Variants in UNC80 observed in about 807,000 individuals in gnomAD.
UNC80 encodes the protein unc-80 subunit of NALCN channel complex, also known as protein unc-80 homolog.
In UNC80, 164 loss-of-function variants were observed where a neutral mutation model predicts 384.6. The ratio of observed to expected loss-of-function variants is 0.43; its 90% CI spans 0.38 to 0.49. The LOEUF is 0.49. UNC80 is among the 20% of genes least tolerant of loss of function. The pLI, the probability that UNC80 is intolerant of heterozygous loss-of-function variation, is 0.00. For missense variants in UNC80, 3,330 were observed against 4,143.0 expected (o/e 0.80, Z 5.39); for synonymous variants, 1,486 against 1,527.8 (o/e 0.97, Z 0.64).
At chr2:209,830,596 G>C (rs1046304253) in intron 15 of UNC80, among the ~76,000 whole-genome samples, 1 of 152,128 alleles carries the variant, frequency 6.6e-6, no homozygotes, top group Non-Finnish European at 1.5e-5. Flanking sequence ...GGATCACAGT[G>C]AATCAGCCAG....
intron 23 of UNC80, among the ~76,000 whole-genome samples, chr2:209,876,460 C>G (rs2084794011): frequency 6.6e-6 from 1 of 152,140 alleles, no homozygotes; most frequent in African/African-American, 2.4e-5. Flanking sequence ...ACATAGAGAT[C>G]TAAATTATTA....
intron 47 of UNC80, among the ~76,000 whole-genome samples, chr2:209,948,256 A>C (rs2092000624): frequency 6.6e-6 from 1 of 152,256 alleles, no homozygotes; most frequent in African/African-American, 2.4e-5. Flanking sequence ...ACTACCAAAA[A>C]GTTTTCCAAG....
rs1232251844 is a variant in UNC80, at chr2:209,842,462, C to T, written c.3454+16C>T. On this transcript the variant is annotated intron_variant, in intron 21 of 64. Transcript: ENST00000673920. The stretch of plus-strand genomic sequence containing the variant: ...AAGCGTCTTGGTAAATGTCATGCAT[C>T]CTAAGAATTCTATTCAACTTTTATC... 4 of 1,505,886 alleles carry T rather than the reference C, an allele frequency of 2.7e-6. No individual in the cohort carries two copies. Among genetic ancestry groups the T allele is most frequent in the Non-Finnish European group, 3.6e-6 (4 of 1,108,842 alleles). 93.3% of individuals were successfully genotyped at this position (1,505,886 alleles called of 1,614,324 possible). A position where few individuals can be genotyped will look rare whatever the true frequency, so the allele number is the denominator to read the frequency against.
intron 47 of UNC80, among the ~76,000 whole-genome samples, chr2:209,950,681 C>T (rs2092133021): frequency 6.6e-6 from 1 of 151,922 alleles, no homozygotes; most frequent in Non-Finnish European, 1.5e-5. Flanking sequence ...GCCTCAGCCT[C>T]CCGAGTAGCT....
intron 47 of UNC80, among the ~76,000 whole-genome samples, chr2:209,952,497 G>A (rs565770389): frequency 7.2e-5 from 11 of 152,216 alleles, no homozygotes; most frequent in South Asian, 2.1e-4. Flanking sequence ...ATATTTCCTC[G>A]CAATTATGAG....
intron 7 of UNC80, among the ~76,000 whole-genome samples, chr2:209,811,842 G>A (rs936647796): frequency 2.6e-5 from 4 of 152,240 alleles, no homozygotes; most frequent in African/African-American, 7.2e-5. Flanking sequence ...ATAAAGTATG[G>A]TATGTGCTTC....
Position 209,967,042 on chromosome 2 carries a change from T to G in UNC80, c.7806-395T>G, listed in dbSNP as rs567883587. On this transcript the variant is annotated intron_variant, in intron 51 of 64. Coordinates refer to ENST00000673920, the MANE Select transcript of UNC80 (RefSeq NM_001371986.1). ...TAGTAATTTTATTGTTCATTAAAGTTAGTTCTCTTTTATATGCATATATGT... is the reference window on the plus strand; with the variant it reads ...TAGTAATTTTATTGTTCATTAAAGTGAGTTCTCTTTTATATGCATATATGT... Among the ~76,000 whole-genome samples, 6 of 151,602 alleles carry G rather than the reference T, an allele frequency of 4.0e-5. No individual in the cohort carries two copies. In the East Asian group the frequency reaches 1.2e-3, roughly 29 times the overall value.
At chr2:209,876,637 G>C (rs1324641949) in intron 23 of UNC80, among the ~76,000 whole-genome samples, 1 of 152,108 alleles carries the variant, frequency 6.6e-6, no homozygotes, top group Non-Finnish European at 1.5e-5. Flanking sequence ...CTCCATTCCA[G>C]ACTCATAATT....
chr2:209,879,043 T>A (rs1386329145), intron 24 of UNC80, among the ~76,000 whole-genome samples: 1 of 152,180 alleles, frequency 6.6e-6, no homozygotes, highest in East Asian at 1.9e-4. Flanking sequence ...AAAGTTTTTT[T>A]TTTTTTGCAT....
intron 4 of UNC80, among the ~76,000 whole-genome samples, chr2:209,779,710 C>G (rs2077052169): frequency 6.6e-6 from 1 of 152,090 alleles, no homozygotes; most frequent in African/African-American, 2.4e-5. Context: ...GAAGCTGATC[C>G]AAGTGCTAAA....
intron 7 of UNC80, among the ~76,000 whole-genome samples, chr2:209,808,565 A>C (rs1254113296): frequency 4.7e-5 from 7 of 150,124 alleles, no homozygotes; most frequent in Non-Finnish European, 1.0e-4. Flanking sequence ...CCAGGCTGCT[A>C]CTGCGCGAGC....
At chr2:209,929,226 A>C (rs1457997753) in intron 36 of UNC80, among the ~76,000 whole-genome samples, 1 of 152,190 alleles carries the variant, frequency 6.6e-6, no homozygotes, top group Admixed American at 6.5e-5. Context: ...TTCAGTGCTT[A>C]CTGGCCCTGT....
At chr2:209,837,854 C>T (rs1054648398) in intron 18 of UNC80, among the ~76,000 whole-genome samples, 1 of 151,610 alleles carries the variant, frequency 6.6e-6, no homozygotes, top group Non-Finnish European at 1.5e-5. Context: ...TCACTGCAAG[C>T]TCCTCCTCCT....
intron 33 of UNC80, among the ~76,000 whole-genome samples, chr2:209,920,375 T>G (rs1228446145): frequency 6.6e-6 from 1 of 152,170 alleles, no homozygotes; most frequent in Non-Finnish European, 1.5e-5. Context: ...AAACATTACT[T>G]CAAGTGGATA....
intron 23 of UNC80, among the ~76,000 whole-genome samples, chr2:209,876,295 G>A (rs75322939): frequency 0.044 from 6,716 of 152,134 alleles, 517 homozygotes; most frequent in African/African-American, 0.15. Flanking sequence ...ATCTACCAAG[G>A]CACATTAAAC....
At chr2:209,844,164 T>G (rs2081965432) in intron 21 of UNC80, among the ~76,000 whole-genome samples, 1 of 152,192 alleles carries the variant, frequency 6.6e-6, no homozygotes, top group African/African-American at 2.4e-5. Flanking sequence ...GTCAGTATTA[T>G]AAAGAAATTT....
At chr2:209,919,336 C>T (rs555914099) in intron 33 of UNC80, among the ~76,000 whole-genome samples, 30 of 152,174 alleles carry the variant, frequency 2.0e-4, no homozygotes, top group Non-Finnish European at 2.9e-4. Context: ...AAAAAGAACA[C>T]CTCTTTGCAC....
intron 29 of UNC80, among the ~76,000 whole-genome samples, chr2:209,906,417 A>T (rs1574967078): frequency 6.6e-6 from 1 of 152,202 alleles, no homozygotes; most frequent in African/African-American, 2.4e-5. Context: ...GTGTGAGGGT[A>T]TAAAGTAAGT....
intron 7 of UNC80, among the ~76,000 whole-genome samples, chr2:209,798,562 A>T (rs1016887718): frequency 1.3e-5 from 2 of 152,146 alleles, no homozygotes; most frequent in African/African-American, 4.8e-5. Flanking sequence ...TGGTTACTGT[A>T]GCCTTGTAGT....
Sources: allele counts gnomAD v4.1 joint callset (sites outside exome capture counted in the v4.1 genomes callset), GRCh38; gene constraint gnomAD v4.1.1; transcripts MANE v1.5; gene names NCBI Gene and HGNC (gene_info 2026-07-23, HGNC 2026-07-21).